The following UBE2Q1 variants were observed in gnomAD, a reference collection of about 807,000 sequenced individuals.
UBE2Q1 encodes the protein ubiquitin conjugating enzyme E2 Q1.
UBE2Q1 carries 6 observed loss-of-function variants against 60.1 expected under a neutral mutation model. The observed-to-expected ratio is 0.10, with a 90% confidence interval of 0.05 to 0.20. UBE2Q1 has a LOEUF of 0.20. UBE2Q1 is among the 10% of genes least tolerant of loss of function. The pLI is 1.00. For missense variants in UBE2Q1, 262 were observed against 525.8 expected (o/e 0.50, Z 4.91); for synonymous variants, 226 against 208.3 (o/e 1.09, Z -0.73).
intron 4 of UBE2Q1, chr1:154,553,704 T>C (rs1398603778): frequency 6.5e-6 from 1 of 154,274 alleles, no homozygotes; most frequent in Non-Finnish European, 1.4e-5. Context: ...CAGATGGAAA[T>C]GAGAAAGGAT....
At position 154,555,851 on chromosome 1, in the gene UBE2Q1, C is replaced by G; in HGVS notation, c.432+9G>C. ...AACAAAATGTACCCCTACCCTGTGG[C>G]CCCCTCACCAGAGTATTCCCTTTCT... On this transcript the variant is annotated intron_variant, in intron 2 of 12. Transcript: ENST00000292211. 1 of 1,612,930 alleles carries G rather than the reference C, an allele frequency of 6.2e-7. No individual in the cohort carries two copies. The highest frequency in any genetic ancestry group is 1.3e-5 in the African/African-American group (1 of 75,008).
intron 3 of UBE2Q1, chr1:154,555,032 A>G (rs2149362426): frequency 1.9e-6 from 1 of 534,446 alleles, no homozygotes; most frequent in South Asian, 2.8e-5. Flanking sequence ...TCTGTCACCC[A>G]CCTCCTAAAT....
intron 1 of UBE2Q1, among the ~76,000 whole-genome samples, chr1:154,556,464 C>G (rs1345622035): frequency 6.6e-6 from 1 of 152,162 alleles, no homozygotes; most frequent in Non-Finnish European, 1.5e-5. Flanking sequence ...TCTCCAGAAC[C>G]CAAGAGTAAA....
intron 8 of UBE2Q1, 35 bp downstream of exon 8, chr1:154,552,058 G>C (rs534292917): frequency 6.2e-7 from 1 of 1,613,834 alleles, no homozygotes; most frequent in Non-Finnish European, 8.5e-7. Flanking sequence ...GGGCAGCCTA[G>C]GCCAGAGGGA....
rs917971089 is a variant in UBE2Q1, at chr1:154,558,490, C to T, written c.64G>A (p.Gly22Arg). 1.6e-6 allele frequency: 2 copies of T among 1,244,266 alleles called. No homozygotes were observed. The highest frequency in any genetic ancestry group is 1.0e-6 in the Non-Finnish European group (1 of 998,800). The allele number at this position is 1,244,266 out of a possible 1,614,324, so 77.1% of individuals were successfully genotyped here. Residue 22 changes from glycine (G) to arginine (R), a missense_variant, in exon 1 of 13, where the codon GGG becomes AGG. This residue lies in a region of UBE2Q1 where 70 missense variants were observed against 56.7 expected (regional missense o/e 1.24). Coordinates refer to ENST00000292211, the MANE Select transcript of UBE2Q1 (RefSeq NM_017582.7). ...PGPGQQLGGQ[G>R]AAPGAGGGPG... ...CCGCCCCCGGCCCCCGGCGCCGCCC[C>T]CTGGCCCCCCAGCTGCTGCCCCGGC...
intron 3 of UBE2Q1, 63 bp from the exon 4 acceptor site, chr1:154,554,848 A>G: frequency 6.4e-7 from 1 of 1,568,300 alleles, no homozygotes; most frequent in South Asian, 1.1e-5. Context: ...TGCAGCCTCC[A>G]ACCTACTCCC....
At chr1:154,554,122 A>G (rs1292311835) in intron 4 of UBE2Q1, among the ~76,000 whole-genome samples, 4 of 151,840 alleles carry the variant, frequency 2.6e-5, no homozygotes, top group African/African-American at 9.7e-5. Context: ...TACCACCATC[A>G]CTCATTATTC....
chr1:154,550,041 T>C lies in UBE2Q1; in HGVS notation c.*397A>G, dbSNP rs1695767618. ...GATACATTTTTTTCATACACATCCA[T>C]CATACACTGTAACCAAAAAAAGCAG... On this transcript the variant is annotated 3_prime_UTR_variant, in exon 13 of 13. Transcript: ENST00000292211. The C allele has an allele frequency of 5.6e-6, 1 of 178,020 alleles. No homozygotes were observed. Among genetic ancestry groups the C allele is most frequent in the Non-Finnish European group, 1.2e-5 (1 of 84,874 alleles). The allele number at this position is 178,020 out of a possible 1,614,324, so 11.0% of individuals were successfully genotyped here. A position where few individuals can be genotyped will look rare whatever the true frequency, so the allele number is the denominator to read the frequency against.
At chr1:154,555,402 G>C in intron 3 of UBE2Q1, 26 bp downstream of exon 3, 1 of 1,603,120 alleles carries the variant, frequency 6.2e-7, no homozygotes, top group East Asian at 2.2e-5. Context: ...CTGCACAACA[G>C]GGCCCGAGGC....
chr1:154,552,558 C>T, intron 6 of UBE2Q1, 94 bp from the exon 7 acceptor site: 1 of 1,515,884 alleles, frequency 6.6e-7, no homozygotes, highest in Non-Finnish European at 9.1e-7. Flanking sequence ...AGAAAAAGAT[C>T]AACAGCTCTA....
rs747259627 is a variant in UBE2Q1, at chr1:154,551,490, G to A, written c.1077C>T (p.Gly359=). The change falls in exon 11 of 13, where the codon GGC becomes GGT. Residue 359 remains glycine, a splice_region_variant and synonymous_variant. Transcript: ENST00000292211. ...ACTCTATGGAGTAGGCACTGCTCCA[G>A]CCCTGGGTGAAGGGAAGGACAAGGC... ...AICMELLTKQ[G]WSSAYSIESV... 4 of 1,613,746 alleles carry A rather than the reference G, an allele frequency of 2.5e-6. No homozygotes were observed. Among genetic ancestry groups the A allele is most frequent in the Non-Finnish European group, 3.4e-6 (4 of 1,179,628 alleles).
chr1:154,558,554 C>G lies in UBE2Q1; in HGVS notation c.-1G>C. 2.8e-6 allele frequency: 3 copies of G among 1,059,202 alleles called. No individual in the cohort carries two copies. The highest frequency in any genetic ancestry group is 7.8e-5 in the East Asian group (1 of 12,888). 65.6% of individuals were successfully genotyped at this position (1,059,202 alleles called of 1,614,324 possible). ...GCCCCTGCGGCTGCGGCTGCTGCATCCTCCGCTCCGCTCCGCTCCGGGGCC... is the reference window on the plus strand; with the variant it reads ...GCCCCTGCGGCTGCGGCTGCTGCATGCTCCGCTCCGCTCCGCTCCGGGGCC... On this transcript the variant is annotated 5_prime_UTR_variant, in exon 1 of 13. Coordinates refer to ENST00000292211, the MANE Select transcript of UBE2Q1 (RefSeq NM_017582.7).
At chr1:154,551,300 T>G in intron 11 of UBE2Q1, 97 bp downstream of exon 11, 1 of 1,318,680 alleles carries the variant, frequency 7.6e-7, no homozygotes, top group Non-Finnish European at 1.1e-6. Flanking sequence ...GGGGGCCTTA[T>G]GCTCATTCCT....
Position 154,550,231 on chromosome 1 carries a change from G to A in UBE2Q1, c.*207C>T, listed in dbSNP as rs1264238013. 3.0e-6 allele frequency: 2 copies of A among 661,368 alleles called. No individual in the cohort carries two copies. The highest frequency in any genetic ancestry group is 5.0e-6 in the Non-Finnish European group (2 of 396,386). The allele number at this position is 661,368 out of a possible 1,614,324, so 41.0% of individuals were successfully genotyped here. On this transcript the variant is annotated 3_prime_UTR_variant, in exon 13 of 13. Coordinates refer to ENST00000292211, the MANE Select transcript of UBE2Q1 (RefSeq NM_017582.7). Reference sequence around the variant, plus strand: ...AGCAAGGTGGTTGGTTGGTCTGTAAGTCAGTCTTGAGTACTTGAAACAGTT... The same window carrying A: ...AGCAAGGTGGTTGGTTGGTCTGTAAATCAGTCTTGAGTACTTGAAACAGTT...
chr1:154,550,863 C>T, intron 12 of UBE2Q1, 75 bp downstream of exon 12: 1 of 1,612,192 alleles, frequency 6.2e-7, no homozygotes. Context: ...AGAAGGGGTT[C>T]TTGCTCTGTG....
Position 154,552,838 on chromosome 1 carries a change from C to G in UBE2Q1, c.730-18G>C. The G allele has an allele frequency of 6.2e-7, 1 of 1,613,402 alleles. No homozygotes were observed. The highest frequency in any genetic ancestry group is 8.5e-7 in the Non-Finnish European group (1 of 1,179,702). On this transcript the variant is annotated intron_variant, in intron 5 of 12. Coordinates refer to ENST00000292211, the MANE Select transcript of UBE2Q1 (RefSeq NM_017582.7). ...ACTGCACCCTGTGAGGGACGGATGA[C>G]AGGAACATTCCTTGGTCGTGTGGTT...
chr1:154,553,316 C>T (rs780899748), intron 4 of UBE2Q1, 144 bp from the exon 5 acceptor site: 63 of 1,072,284 alleles, frequency 5.9e-5, no homozygotes, highest in Admixed American at 1.7e-4. Context: ...ATAAACGCAA[C>T]GTGCTTTCCA....
rs1264273870 is a variant in UBE2Q1, at chr1:154,550,283, TTAGAA to T, written c.*150_*154del. ...TGTGTTTGTTTTTTTTCCTTAGCGT[TTAGAA>T]TAGCCATCATTGTCCTGCAATAGGC... On this transcript the variant is annotated 3_prime_UTR_variant, in exon 13 of 13. Coordinates refer to ENST00000292211, the MANE Select transcript of UBE2Q1 (RefSeq NM_017582.7). 9.8e-7 allele frequency: 1 copy of T among 1,022,974 alleles called. No individual in the cohort carries two copies. The highest frequency in any genetic ancestry group is 1.6e-5 in the African/African-American group (1 of 62,276). The allele number at this position is 1,022,974 out of a possible 1,614,324, so 63.4% of individuals were successfully genotyped here.
Position 154,555,529 on chromosome 1 carries a change from A to G in UBE2Q1, c.436T>C (p.Leu146=), listed in dbSNP as rs764114913. 6.8e-6 allele frequency: 11 copies of G among 1,613,494 alleles called. No individual in the cohort carries two copies. Among genetic ancestry groups the G allele is most frequent in the African/African-American group, 5.3e-5 (4 of 74,884 alleles). ...VDIKKGNTLL[L]QHLKRIISDL... is the part of the protein sequence containing the mutation. The stretch of plus-strand genomic sequence containing the variant: ...GAGATGATCCTCTTCAGATGCTGCA[A>G]TAGCTACAGGTAGGGGAGCACAGAG... The change falls in exon 3 of 13, where the codon TTG becomes CTG. Residue 146 remains leucine (L), a synonymous_variant. Transcript: ENST00000292211.
Sources: allele counts gnomAD v4.1 joint callset (sites outside exome capture counted in the v4.1 genomes callset), GRCh38; gene constraint gnomAD v4.1.1; regional missense constraint gnomAD v4.1.1; transcripts MANE v1.5; gene names NCBI Gene and HGNC (gene_info 2026-07-23, HGNC 2026-07-21).